The following PIK3R3 variants were observed in gnomAD, a reference collection of about 807,000 sequenced individuals.
PIK3R3 encodes the protein phosphatidylinositol 3-kinase regulatory subunit gamma.
PIK3R3 carries 64 observed loss-of-function variants against 62.9 expected under a neutral mutation model. That is an observed-to-expected ratio of 1.02 (90% CI 0.83 to 1.25). The LOEUF is 1.25. Ranked by LOEUF, PIK3R3 falls within the 50% of genes most tolerant of loss-of-function variation. PIK3R3 has a pLI of 0.00. For synonymous variants in PIK3R3, 165 were observed against 189.0 expected (o/e 0.87, Z 1.04); for missense variants, 614 against 561.6 (o/e 1.09, Z -0.94).
chr1:46,154,952 G>A, the PIK3R3 span, among the ~76,000 whole-genome samples: 1 of 152,122 alleles, frequency 6.6e-6, no homozygotes, highest in Admixed American at 6.5e-5. Flanking sequence ...CTATTTTAAT[G>A]TCTTACTAGG....
At chr1:46,091,752 C>T (rs1449302716) in intron 1 of PIK3R3, among the ~76,000 whole-genome samples, 1 of 152,084 alleles carries the variant, frequency 6.6e-6, no homozygotes, top group Non-Finnish European at 1.5e-5. Context: ...TCCAGGACCC[C>T]TGCAGATACC....
intron 1 of PIK3R3, among the ~76,000 whole-genome samples, chr1:46,095,510 G>A (rs1652035299): frequency 6.6e-6 from 1 of 152,162 alleles, no homozygotes; most frequent in African/African-American, 2.4e-5. Flanking sequence ...CTGTCGCGGG[G>A]TGGTAGGGGG....
the PIK3R3 span, among the ~76,000 whole-genome samples, chr1:46,140,345 C>T: frequency 1.3e-5 from 2 of 152,114 alleles, no homozygotes; most frequent in Admixed American, 1.3e-4. Context: ...CCAACCCCCA[C>T]CATTTTTTTT....
intron 1 of PIK3R3, among the ~76,000 whole-genome samples, chr1:46,106,938 G>A (rs940563232): frequency 1.1e-4 from 16 of 152,044 alleles, no homozygotes; most frequent in African/African-American, 3.6e-4. Context: ...ACCACGCCTG[G>A]CTAATTTTGT....
chr1:46,077,672 A>G, intron 2 of PIK3R3, 59 bp from the exon 3 acceptor site: 2 of 1,018,550 alleles, frequency 2.0e-6, no homozygotes, highest in Admixed American at 1.7e-5. Context: ...CTTCGGCAGT[A>G]GGTGTGCCTT....
chr1:46,056,136 C>T (rs992282017), intron 6 of PIK3R3, 165 bp from the exon 7 acceptor site: 18 of 447,692 alleles, frequency 4.0e-5, no homozygotes, highest in Middle Eastern at 5.9e-4. Flanking sequence ...CTGCAACCTC[C>T]GCCTCCCGGG....
intron 3 of PIK3R3, among the ~76,000 whole-genome samples, chr1:46,070,091 G>T (rs947793705): frequency 6.6e-6 from 1 of 152,196 alleles, no homozygotes; most frequent in Non-Finnish European, 1.5e-5. Flanking sequence ...GAGAAATAGG[G>T]AAGTATCTAG....
At chr1:46,076,856 ACAAG>A (rs1470975481) in intron 3 of PIK3R3, among the ~76,000 whole-genome samples, 5 of 152,226 alleles carry the variant, frequency 3.3e-5, no homozygotes, top group African/African-American at 1.2e-4. Context: ...AGGCCTTAGT[ACAAG>A]AAAGTTAGTC....
At chr1:46,080,253 G>A (rs922318728) in intron 2 of PIK3R3, among the ~76,000 whole-genome samples, 5 of 151,088 alleles carry the variant, frequency 3.3e-5, no homozygotes, top group Non-Finnish European at 3.0e-5. Flanking sequence ...GTAGAGACAG[G>A]GTTTCACTGT....
At chr1:46,131,784 C>T (rs962201743) in intron 1 of PIK3R3, 63 bp downstream of exon 1, 1 of 1,506,068 alleles carries the variant, frequency 6.6e-7, no homozygotes, top group Admixed American at 1.7e-5. Context: ...AAAACATCAG[C>T]AAGCTCTTGG....
chr1:46,159,482 G>A, the PIK3R3 span, among the ~76,000 whole-genome samples: 1 of 152,186 alleles, frequency 6.6e-6, no homozygotes, highest in African/African-American at 2.4e-5. Flanking sequence ...TGGATTTTGA[G>A]CATGATCCAG....
chr1:46,072,971 A>G (rs1401491306), intron 3 of PIK3R3, among the ~76,000 whole-genome samples: 1 of 151,128 alleles, frequency 6.6e-6, no homozygotes, highest in Non-Finnish European at 1.5e-5. Flanking sequence ...ATATATATAT[A>G]TATATATTAG....
At chr1:46,155,798 T>G in the PIK3R3 span, among the ~76,000 whole-genome samples, 4 of 152,112 alleles carry the variant, frequency 2.6e-5, no homozygotes, top group East Asian at 7.7e-4. Context: ...TATGGGTACA[T>G]CTACATTTTT....
chr1:46,080,617 T>A (rs1449915740), intron 2 of PIK3R3, 25 bp downstream of exon 2: 2 of 1,433,318 alleles, frequency 1.4e-6, no homozygotes, highest in African/African-American at 2.8e-5. Flanking sequence ...AAAACTGCAT[T>A]CAATTACAGT....
At chr1:46,172,721 G>A in the PIK3R3 span, among the ~76,000 whole-genome samples, 1 of 152,156 alleles carries the variant, frequency 6.6e-6, no homozygotes, top group Non-Finnish European at 1.5e-5. Context: ...GGCTGAGCCA[G>A]GTGGCTCATG....
chr1:46,168,239 C>T, the PIK3R3 span, among the ~76,000 whole-genome samples: 1 of 152,140 alleles, frequency 6.6e-6, no homozygotes, highest in Non-Finnish European at 1.5e-5. Flanking sequence ...TGTGTCCCTA[C>T]TTCTCTAAGC....
chr1:46,156,603 G>A, the PIK3R3 span, among the ~76,000 whole-genome samples: 1 of 152,054 alleles, frequency 6.6e-6, no homozygotes, highest in Non-Finnish European at 1.5e-5. Context: ...ATCAATAACA[G>A]AGCCTGACCG....
chr1:46,144,856 G>A, the PIK3R3 span, among the ~76,000 whole-genome samples: 8 of 151,960 alleles, frequency 5.3e-5, no homozygotes, highest in East Asian at 5.8e-4. Context: ...TGGGCACGGC[G>A]GCTCATGGCT....
At chr1:46,050,058 T>A (rs1264874826) in intron 7 of PIK3R3, among the ~76,000 whole-genome samples, 4 of 148,372 alleles carry the variant, frequency 2.7e-5, no homozygotes, top group Non-Finnish European at 5.9e-5. Context: ...GAGGCAGAGG[T>A]TGCAGTGAGC....
Sources: allele counts gnomAD v4.1 joint callset (sites outside exome capture counted in the v4.1 genomes callset), GRCh38; gene constraint gnomAD v4.1.1; transcripts MANE v1.5; gene names NCBI Gene and HGNC (gene_info 2026-07-23, HGNC 2026-07-21).